The following CTNNA3 variants were observed in gnomAD, a reference collection of about 807,000 sequenced individuals.
CTNNA3 encodes the protein catenin alpha-3.
CTNNA3 carries 76 observed loss-of-function variants against 95.7 expected under a neutral mutation model. That is an observed-to-expected ratio of 0.79 (90% CI 0.66 to 0.96). The LOEUF is 0.96. Among genes scored for constraint, CTNNA3 ranks in the 40% least tolerant of loss-of-function variants. The pLI is 0.00. For missense variants in CTNNA3, 1,191 were observed against 1,089.8 expected (o/e 1.09, Z -1.31); for synonymous variants, 431 against 374.4 (o/e 1.15, Z -1.74).
chr10:67,620,374 G>A (rs1589497898), intron 2 of CTNNA3, among the ~76,000 whole-genome samples: 1 of 151,552 alleles, frequency 6.6e-6, no homozygotes, highest in Admixed American at 6.6e-5. Flanking sequence ...TCACCACATG[G>A]GTCCAAAGGC....
intron 5 of CTNNA3, among the ~76,000 whole-genome samples, chr10:67,484,471 C>T (rs769972954): frequency 7.9e-5 from 12 of 152,054 alleles, no homozygotes; most frequent in Non-Finnish European, 1.3e-4. Context: ...TCTAATTAAA[C>T]AGAAGAGCTT....
In CTNNA3 at chr10:67,748,779, AAATGTCCC is replaced by A. The variant is rs1841386634; in HGVS notation, c.-2+14647_-2+14654del. Among the ~76,000 whole-genome samples, 9 of 152,318 alleles carry A rather than the reference AAATGTCCC, an allele frequency of 5.9e-5. No individual in the cohort carries two copies. The South Asian group carries it at 1.9e-3, about 32-fold the overall frequency. On this transcript the variant is annotated intron_variant, in intron 1 of 17. Coordinates refer to the CTNNA3 transcript ENST00000684154. Reference sequence around the variant, plus strand: ...TTTTAACCTTAAATGTAAATAGGCTAAATGTCCCAATTAAAACACACAGACTGGCAAAT... The same window carrying A: ...TTTTAACCTTAAATGTAAATAGGCTAAATTAAAACACACAGACTGGCAAAT...
At chr10:66,801,953 T>C (rs76388499) in intron 7 of CTNNA3, among the ~76,000 whole-genome samples, 8 of 151,870 alleles carry the variant, frequency 5.3e-5, no homozygotes, top group African/African-American at 1.9e-4. Flanking sequence ...CATATTTACA[T>C]GGTTAATAAA....
intron 5 of CTNNA3, among the ~76,000 whole-genome samples, chr10:67,405,673 G>C (rs757163769): frequency 1.3e-5 from 2 of 151,942 alleles, no homozygotes; most frequent in African/African-American, 4.8e-5. Context: ...AAATATTCAG[G>C]ACCTGAACTC....
rs555583532 is a variant in CTNNA3 at position 67,527,960 on chromosome 10, CCTGCTCATT to C, written c.460-6008_460-6000del. On this transcript the variant is annotated intron_variant, in intron 4 of 17. Coordinates refer to ENST00000433211, the MANE Select transcript of CTNNA3 (RefSeq NM_013266.4). ...CAGAGTCCTTCTCCACCACAATGCTCCTGCTCATTCTGCTCATTCTGCTCATTAAACAAA... is the reference window on the plus strand; with the variant it reads ...CAGAGTCCTTCTCCACCACAATGCTCCTGCTCATTCTGCTCATTAAACAAA... Among the ~76,000 whole-genome samples the C allele has an allele frequency of 1.6e-4, 24 of 152,290 alleles. No individual in the cohort carries two copies. The East Asian group carries it at 2.7e-3, about 17-fold the overall frequency.
At chr10:66,897,641 T>C (rs1463729597) in intron 7 of CTNNA3, among the ~76,000 whole-genome samples, 1 of 152,092 alleles carries the variant, frequency 6.6e-6, no homozygotes, top group Non-Finnish European at 1.5e-5. Flanking sequence ...ATTCATCAAA[T>C]TGTTAATAAT....
intron 7 of CTNNA3, among the ~76,000 whole-genome samples, chr10:66,803,248 A>G (rs1841499529): frequency 6.6e-6 from 1 of 151,818 alleles, no homozygotes; most frequent in African/African-American, 2.4e-5. Flanking sequence ...CCTACCTCTA[A>G]CTCTCATATT....
At chr10:66,285,915 T>C (rs1300307599) in intron 12 of CTNNA3, among the ~76,000 whole-genome samples, 1 of 151,956 alleles carries the variant, frequency 6.6e-6, no homozygotes, top group Non-Finnish European at 1.5e-5. Context: ...AAACATTAAA[T>C]TTTTTTCTAT....
intron 11 of CTNNA3, among the ~76,000 whole-genome samples, chr10:66,471,439 G>A (rs1335243252): frequency 4.6e-5 from 7 of 151,536 alleles, no homozygotes; most frequent in African/African-American, 1.5e-4. Context: ...AGATGTTTTT[G>A]TCTTCTTTTT....
At chr10:67,742,073 C>A (rs188336514) in intron 1 of CTNNA3, among the ~76,000 whole-genome samples, 1 of 150,948 alleles carries the variant, frequency 6.6e-6, no homozygotes, top group Non-Finnish European at 1.5e-5. Flanking sequence ...CTTTAACACC[C>A]CACTGTCAAC....
chr10:67,693,244 G>A (rs1183375587), intron 1 of CTNNA3, among the ~76,000 whole-genome samples: 1 of 152,142 alleles, frequency 6.6e-6, no homozygotes, highest in Non-Finnish European at 1.5e-5. Context: ...AAATTCTGCA[G>A]CCTCAATTAT....
At chr10:67,209,505 G>A (rs1020707436) in intron 6 of CTNNA3, among the ~76,000 whole-genome samples, 4 of 151,904 alleles carry the variant, frequency 2.6e-5, no homozygotes, top group African/African-American at 4.8e-5. Flanking sequence ...TTACAATTAC[G>A]AACTTTTAAA....
intron 12 of CTNNA3, among the ~76,000 whole-genome samples, chr10:66,281,965 G>A (rs2132163085): frequency 6.6e-6 from 1 of 151,880 alleles, no homozygotes; most frequent in African/African-American, 2.4e-5. Context: ...GCTGCATATA[G>A]CTATTAAAAA....
At chr10:65,987,839 A>G (rs899261803) in intron 16 of CTNNA3, among the ~76,000 whole-genome samples, 7 of 151,976 alleles carry the variant, frequency 4.6e-5, no homozygotes, top group African/African-American at 1.7e-4. Flanking sequence ...TACAAGCACA[A>G]TGGAATATTC....
chr10:67,216,883 C>T (rs949920834), intron 6 of CTNNA3, among the ~76,000 whole-genome samples: 1 of 152,170 alleles, frequency 6.6e-6, no homozygotes, highest in Non-Finnish European at 1.5e-5. Flanking sequence ...TCTTAATCTA[C>T]AATTCAGCAC....
intron 1 of CTNNA3, chr10:67,751,087 G>A (rs535100955): frequency 3.6e-5 from 51 of 1,429,254 alleles, no homozygotes; most frequent in Admixed American, 8.4e-5. Flanking sequence ...ACACCAGCAC[G>A]CATTGTTGAG....
intron 7 of CTNNA3, among the ~76,000 whole-genome samples, chr10:67,168,967 A>G (rs1861898373): frequency 6.6e-6 from 1 of 152,190 alleles, no homozygotes; most frequent in African/African-American, 2.4e-5. Flanking sequence ...ACTTACAAAA[A>G]TCACTAGTAT....
At position 67,613,904 on chromosome 10, in the gene CTNNA3, T is replaced by C. The variant is rs138849402; in HGVS notation, c.100-6855A>G. Among the ~76,000 whole-genome samples the C allele has an allele frequency of 3.7e-3, 556 of 152,272 alleles. 5 individuals carry two copies. Among genetic ancestry groups the C allele is most frequent in the African/African-American group, 0.013 (522 of 41,542 alleles). ...TGTGCCCGGAGTTGGTTCCTTCTGG[T>C]GGGTTCGTGGTCTCGCTGACTTCAA... On this transcript the variant is annotated intron_variant, in intron 2 of 17. Transcript: ENST00000433211.
chr10:66,254,447 T>C (rs1293300524), intron 13 of CTNNA3, among the ~76,000 whole-genome samples: 1 of 152,136 alleles, frequency 6.6e-6, no homozygotes, highest in Non-Finnish European at 1.5e-5. Context: ...CGGTTCAAAA[T>C]ACCCTTAAGC....
Sources: allele counts gnomAD v4.1 joint callset (sites outside exome capture counted in the v4.1 genomes callset), GRCh38; gene constraint gnomAD v4.1.1; transcripts MANE v1.5; gene names NCBI Gene and HGNC (gene_info 2026-07-23, HGNC 2026-07-21).